Variants in HSPD1 observed in about 807,000 individuals in gnomAD.
HSPD1 encodes the protein 60 kDa heat shock protein, mitochondrial.
A neutral mutation model predicts 53.0 loss-of-function variants in HSPD1; 3 were observed. The ratio of observed to expected loss-of-function variants is 0.06; its 90% CI spans 0.03 to 0.15. The LOEUF (loss-of-function observed/expected upper bound fraction) is 0.15, where lower values mean the gene tolerates loss of function less well. Ranked by LOEUF, HSPD1 falls within the 10% of genes least tolerant of loss-of-function variation. The pLI is 1.00. For missense variants in HSPD1, 431 were observed against 694.1 expected (o/e 0.62, Z 4.26); for synonymous variants, 200 against 228.0 (o/e 0.88, Z 1.10).
intron 7 of HSPD1, 168 bp from the exon 8 acceptor site, chr2:197,490,464 C>T (rs2086077461): frequency 3.2e-6 from 2 of 625,082 alleles, no homozygotes; most frequent in Non-Finnish European, 5.7e-6. Context: ...CAAATTAAGA[C>T]AGGAAGTATC....
At chr2:197,495,080 C>A in intron 4 of HSPD1, 3 of 608,502 alleles carry the variant, frequency 4.9e-6, no homozygotes, top group South Asian at 4.1e-5. Context: ...CATTTTACAG[C>A]CATGTAGAAC....
chr2:197,496,036 CCA>C (rs1467763059), intron 3 of HSPD1, among the ~76,000 whole-genome samples: 3 of 152,192 alleles, frequency 2.0e-5, no homozygotes, highest in African/African-American at 7.2e-5. Context: ...CAAAAAAGGA[CCA>C]AAATGGCTAA....
intron 7 of HSPD1, among the ~76,000 whole-genome samples, chr2:197,492,233 C>T (rs568019219): frequency 3.3e-5 from 5 of 152,206 alleles, no homozygotes; most frequent in South Asian, 2.1e-4. Flanking sequence ...CTTTGTTGCC[C>T]AGGCTGGGGT....
chr2:197,499,144 C>G, intron 1 of HSPD1: 1 of 480,836 alleles, frequency 2.1e-6, no homozygotes, highest in Non-Finnish European at 3.8e-6. Flanking sequence ...TCTTTCACCG[C>G]GAAAACGGCC....
chr2:197,489,794 G>A (rs1422098706), intron 8 of HSPD1, among the ~76,000 whole-genome samples: 1 of 151,894 alleles, frequency 6.6e-6, no homozygotes, highest in Non-Finnish European at 1.5e-5. Flanking sequence ...GGTGGAGGTT[G>A]CAGTAAGCCA....
intron 7 of HSPD1, among the ~76,000 whole-genome samples, chr2:197,490,863 T>C (rs1458477129): frequency 6.6e-6 from 1 of 152,236 alleles, no homozygotes; most frequent in East Asian, 1.9e-4. Context: ...AATGCTGAGT[T>C]TTGAATGAGC....
At chr2:197,487,729 A>T in intron 11 of HSPD1, 129 bp downstream of exon 11, 1 of 736,606 alleles carries the variant, frequency 1.4e-6, no homozygotes, top group South Asian at 1.5e-5. Flanking sequence ...GTTGATGGGC[A>T]CAAGAGCTAT....
At chr2:197,488,581 A>T in intron 9 of HSPD1, 90 bp from the exon 10 acceptor site, 1 of 1,234,354 alleles carries the variant, frequency 8.1e-7, no homozygotes, top group Non-Finnish European at 1.2e-6. Flanking sequence ...TTAAAAAGCA[A>T]TCCTGAGGTG....
intron 2 of HSPD1, among the ~76,000 whole-genome samples, chr2:197,498,283 T>A (rs1216099521): frequency 1.3e-5 from 2 of 152,208 alleles, no homozygotes; most frequent in Non-Finnish European, 2.9e-5. Context: ...CAAAAAAAAA[T>A]TTAGCATCTA....
chr2:197,498,811 G>A lies in HSPD1; in HGVS notation c.38C>T (p.Pro13Leu), dbSNP rs149376856. The A allele has an allele frequency of 5.6e-6, 9 of 1,614,060 alleles. No individual in the cohort carries two copies. The highest frequency in any genetic ancestry group is 2.2e-5 in the East Asian group (1 of 44,898). The change falls in exon 2 of 12, where the codon CCG (proline) becomes CTG (leucine). Residue 13 changes from proline to leucine, a missense_variant. Transcript: ENST00000388968. ...RLPTVFRQMRPVSRVLAPHLT... is the reference protein window; with the variant it reads ...RLPTVFRQMRLVSRVLAPHLT... ...ATGAGGAGCCAGTACCCTGGACACC[G>A]GTCTCATCTGGCGAAAGACTGTGGG...
chr2:197,493,825 G>A (rs375810025), intron 6 of HSPD1, among the ~76,000 whole-genome samples: 1 of 152,144 alleles, frequency 6.6e-6, no homozygotes, highest in African/African-American at 2.4e-5. Flanking sequence ...AATTGGCCAG[G>A]CACAGAGCCT....
chr2:197,492,112 G>A (rs755948593), intron 7 of HSPD1, among the ~76,000 whole-genome samples: 5 of 152,208 alleles, frequency 3.3e-5, no homozygotes, highest in African/African-American at 9.7e-5. Flanking sequence ...AGCTATGATC[G>A]TGCCGCCGCA....
chr2:197,488,853 G>A (rs2086057659), intron 9 of HSPD1, 149 bp downstream of exon 9: 4 of 933,148 alleles, frequency 4.3e-6, no homozygotes, highest in Non-Finnish European at 5.2e-6. Flanking sequence ...GGGTGACGAA[G>A]AGCTCAAAAC....
intron 3 of HSPD1, 159 bp downstream of exon 3, chr2:197,496,981 C>G: frequency 1.4e-6 from 1 of 733,256 alleles, no homozygotes; most frequent in Non-Finnish European, 2.4e-6. Context: ...TACAGCCAAG[C>G]TTGCTAAAGG....
chr2:197,498,867 A>C lies in HSPD1; in HGVS notation c.-2-17T>G. 6.2e-7 allele frequency: 1 copy of C among 1,612,972 alleles called. No individual in the cohort carries two copies. The highest frequency in any genetic ancestry group is 8.5e-7 in the Non-Finnish European group (1 of 1,179,136). On this transcript the variant is annotated splice_polypyrimidine_tract_variant and intron_variant, in intron 1 of 11. Transcript: ENST00000388968. ...GAAGCATTTCTGGGGATGGAAGCAA[A>C]AAGATCATCAGAACTACCACCCGTG...
upstream of HSPD1, chr2:197,500,073 G>A: frequency 3.2e-6 from 1 of 309,588 alleles, no homozygotes; most frequent in African/African-American, 2.2e-5. Context: ...CTCGGTTCCA[G>A]AACTTTCCAG....
chr2:197,497,501 T>C (rs2106079446), intron 2 of HSPD1, 109 bp from the exon 3 acceptor site: 2 of 1,129,632 alleles, frequency 1.8e-6, no homozygotes, highest in Non-Finnish European at 2.7e-6. Context: ...TCAACGTAAG[T>C]TGTGTCATTT....
chr2:197,500,229 C>T (rs760649940), upstream of HSPD1: 52 of 630,186 alleles, frequency 8.3e-5, no homozygotes, highest in Non-Finnish European at 1.3e-4. Context: ...TTCGCGTCAG[C>T]GTCCTGCGCA....
chr2:197,498,201 A>C (rs886273792), intron 2 of HSPD1, among the ~76,000 whole-genome samples: 1 of 152,210 alleles, frequency 6.6e-6, no homozygotes, highest in African/African-American at 2.4e-5. Context: ...TGCACAACAT[A>C]AATGTAATTG....
Sources: gnomAD v4.1 joint callset for allele counts (sites outside exome capture counted in the v4.1 genomes callset) on GRCh38, gnomAD v4.1.1 for gene constraint, MANE v1.5 for transcripts, NCBI Gene and HGNC (gene_info 2026-07-23, HGNC 2026-07-21) for gene names.